ERN1: variants seen among roughly 807,000 people sequenced by gnomAD.
ERN1 encodes the protein serine/threonine-protein kinase/endoribonuclease IRE1.
ERN1 carries 39 observed loss-of-function variants against 113.1 expected under a neutral mutation model. The observed-to-expected ratio is 0.34, with a 90% CI of 0.27 to 0.45. The LOEUF (loss-of-function observed/expected upper bound fraction) is 0.45, where lower values mean the gene tolerates loss of function less well. ERN1 is among the 20% of genes least tolerant of loss of function. The pLI, the probability that ERN1 is intolerant of heterozygous loss-of-function variation, is 1.00. For synonymous variants in ERN1, 507 were observed against 515.9 expected (o/e 0.98, Z 0.23); for missense variants, 976 against 1,274.8 (o/e 0.77, Z 3.57).
chr17:64,119,386 T>G lies in ERN1; in HGVS notation c.54+10590A>C, dbSNP rs1395517075. ...TTCCTTTTTTTCTAGGTTTTTTTTT[T>G]TTTTTTTTTTTTTTTTTTTGAGATT... On this transcript the variant is annotated intron_variant, in intron 1 of 21. Transcript: ENST00000433197. 3.8e-4 allele frequency among the ~76,000 whole-genome samples: 52 copies of G among 135,920 alleles called. 1 individual carries two copies. Among genetic ancestry groups the G allele is most frequent in the African/African-American group, 1.4e-3 (49 of 35,108 alleles). The allele number at this position is 135,920 out of a possible 152,430, so 89.2% of individuals were successfully genotyped here. A position where few individuals can be genotyped will look rare whatever the true frequency, so the allele number is the denominator to read the frequency against.
chr17:64,082,009 A>G (rs1913782948), intron 2 of ERN1, among the ~76,000 whole-genome samples: 2 of 152,236 alleles, frequency 1.3e-5, no homozygotes, highest in Non-Finnish European at 2.9e-5. Flanking sequence ...GGGCAAGAAC[A>G]GCAAGTATTC....
At chr17:64,098,407 C>T (rs1210529304) in intron 1 of ERN1, 166 bp from the exon 2 acceptor site, 3 of 835,972 alleles carry the variant, frequency 3.6e-6, no homozygotes, top group Non-Finnish European at 4.1e-6. Context: ...AGGACTAGAA[C>T]CCAGGTCACC....
intron 1 of ERN1, among the ~76,000 whole-genome samples, chr17:64,117,452 GAAAGAA>G (rs953955116): frequency 4.0e-5 from 6 of 150,696 alleles, no homozygotes; most frequent in Non-Finnish European, 7.4e-5. Context: ...CAAAAAAAAA[GAAAGAA>G]AAAGAAAAAG....
chr17:64,075,766 T>C (rs888652777), intron 4 of ERN1, among the ~76,000 whole-genome samples: 2 of 152,230 alleles, frequency 1.3e-5, no homozygotes, highest in Non-Finnish European at 2.9e-5. Flanking sequence ...TGGAGAGTTA[T>C]ATATTCTTTG....
Position 64,044,618 on chromosome 17 carries a change from A to C in ERN1, c.2721+242T>G, listed in dbSNP as rs1361498336. The stretch of plus-strand genomic sequence containing the variant: ...CCACAAAAGTCAGCGACCAGAGACC[A>C]TGAGGGACATGGGCCGCAGAGCACT... On this transcript the variant is annotated intron_variant, in intron 21 of 21. Transcript: ENST00000433197. The surrounding 1 kb of genome is among the most constrained non-coding windows in gnomAD (Gnocchi z 4.1). Among the ~76,000 whole-genome samples the C allele has an allele frequency of 1.3e-5, 2 of 152,238 alleles. No individual in the cohort carries two copies. The highest frequency in any genetic ancestry group is 4.8e-5 in the African/African-American group (2 of 41,468).
intron 2 of ERN1, among the ~76,000 whole-genome samples, chr17:64,095,048 T>C (rs1475991041): frequency 6.6e-6 from 1 of 152,206 alleles, no homozygotes; most frequent in Non-Finnish European, 1.5e-5. Flanking sequence ...CCATCTTTAA[T>C]CTTTGTATAG....
chr17:64,091,789 C>A (rs571940749), intron 2 of ERN1, among the ~76,000 whole-genome samples: 86 of 152,122 alleles, frequency 5.7e-4, no homozygotes, highest in Non-Finnish European at 1.1e-3. Flanking sequence ...GGTGAGAGAC[C>A]ACGAATGGCC....
intron 1 of ERN1, among the ~76,000 whole-genome samples, chr17:64,101,327 T>C (rs1914379470): frequency 6.6e-6 from 1 of 151,986 alleles, no homozygotes; most frequent in Non-Finnish European, 1.5e-5. Context: ...AAGAAATCAC[T>C]TGAACCCAGG....
At position 64,046,457 on chromosome 17, in the gene ERN1, G is replaced by C. The variant is rs563224443; in HGVS notation, c.2530-975C>G. ...GTTTTATTCCTGTTCTATATTTTGC[G>C]ATCAAAATGACCTGGTTAGTTTTCA... On this transcript the variant is annotated intron_variant, in intron 19 of 21. Transcript: ENST00000433197. Among the ~76,000 whole-genome samples, 5 of 152,240 alleles carry C rather than the reference G, an allele frequency of 3.3e-5. No individual in the cohort carries two copies. In the East Asian group the frequency reaches 9.6e-4, roughly 29 times the overall value.
intron 4 of ERN1, 119 bp downstream of exon 4, chr17:64,079,543 T>G: frequency 1.4e-6 from 1 of 699,378 alleles, no homozygotes; most frequent in Non-Finnish European, 2.4e-6. Flanking sequence ...TGAATCAGAA[T>G]CCCCAGGGGT....
intron 2 of ERN1, among the ~76,000 whole-genome samples, chr17:64,095,751 C>T (rs911407126): frequency 6.6e-6 from 1 of 152,172 alleles, no homozygotes; most frequent in Non-Finnish European, 1.5e-5. Flanking sequence ...GCTCAACATC[C>T]CCTTGTAATC....
chr17:64,128,366 G>A (rs1915138786), intron 1 of ERN1, among the ~76,000 whole-genome samples: 1 of 152,042 alleles, frequency 6.6e-6, no homozygotes, highest in South Asian at 2.1e-4. Flanking sequence ...TAAGGGTCTG[G>A]AATATTTTAT....
chr17:64,043,924 C>T lies in ERN1; in HGVS notation c.*64G>A, dbSNP rs906690256. Reference sequence around the variant, plus strand: ...CTGCAAAGCCGGGAGGCATCAAGCTCTAATTGTGGTGACCAGGCCCTCAGT... The same window carrying T: ...CTGCAAAGCCGGGAGGCATCAAGCTTTAATTGTGGTGACCAGGCCCTCAGT... On this transcript the variant is annotated 3_prime_UTR_variant, in exon 22 of 22. Coordinates refer to ENST00000433197, the MANE Select transcript of ERN1 (RefSeq NM_001433.5). 43 of 1,173,216 alleles carry T rather than the reference C, an allele frequency of 3.7e-5. No homozygotes were observed. The highest frequency in any genetic ancestry group is 4.9e-5 in the Non-Finnish European group (40 of 812,478). 72.7% of individuals were successfully genotyped at this position (1,173,216 alleles called of 1,614,324 possible). A position where few individuals can be genotyped will look rare whatever the true frequency, so the allele number is the denominator to read the frequency against.
In ERN1 at chr17:64,063,336, A is replaced by G. The variant is rs1490796092; in HGVS notation, c.1087+650T>C. Among the ~76,000 whole-genome samples, 1 of 152,206 alleles carries G rather than the reference A, an allele frequency of 6.6e-6. No individual in the cohort carries two copies. Among genetic ancestry groups the G allele is most frequent in the African/African-American group, 2.4e-5 (1 of 41,444 alleles). Reference sequence around the variant, plus strand: ...CTTCTCACTTCCGCCTTCGTTTGTCACACTCACTGCCAACTCAAGAAGTGT... The same window carrying G: ...CTTCTCACTTCCGCCTTCGTTTGTCGCACTCACTGCCAACTCAAGAAGTGT... On this transcript the variant is annotated intron_variant, in intron 10 of 21. Transcript: ENST00000433197. This position sits in a 1 kb window ranked among gnomAD's most constrained non-coding sequence, Gnocchi z 5.1.
At chr17:64,125,283 C>CA (rs999146763) in intron 1 of ERN1, among the ~76,000 whole-genome samples, 171 of 149,858 alleles carry the variant, frequency 1.1e-3, no homozygotes, top group African/African-American at 3.9e-3. Flanking sequence ...GATAATGCCT[C>CA]AAAAAAAAAT....
At chr17:64,119,376 G>GTTGTTTTTTGTTTTTTTTTTTTTT (rs777806993) in intron 1 of ERN1, among the ~76,000 whole-genome samples, 1 of 77,894 alleles carries the variant, frequency 1.3e-5, no homozygotes, top group African/African-American at 5.6e-5. Context: ...TTTTTTCTAG[G>GTTGTTTTTTGTTTTTTTTTTTTTT]TTTTTTTTTT....
chr17:64,085,535 C>T (rs1913898457), intron 2 of ERN1, among the ~76,000 whole-genome samples: 1 of 152,182 alleles, frequency 6.6e-6, no homozygotes, highest in South Asian at 2.1e-4. Context: ...CCACCTCCAT[C>T]ACTGGGAATC....
rs182573859 is a variant in ERN1, at chr17:64,082,413, A to G, written c.176-1605T>C. On this transcript the variant is annotated intron_variant, in intron 2 of 21. Transcript: ENST00000433197. ...TGAAACAAGCTAGTCAAGGTGCAAT[A>G]ACCCAGTTATTTTAACACCGGCCTG... 2.0e-5 allele frequency among the ~76,000 whole-genome samples: 3 copies of G among 152,344 alleles called. No individual in the cohort carries two copies. In the East Asian group the frequency reaches 5.8e-4, roughly 29 times the overall value.
chr17:64,073,004 A>T (rs956727407), intron 5 of ERN1, among the ~76,000 whole-genome samples: 7 of 128,996 alleles, frequency 5.4e-5, no homozygotes, highest in African/African-American at 1.7e-4. Context: ...AGCCTTTGAA[A>T]TTTTTTTTTT....
Sources: gnomAD v4.1 joint callset for allele counts (sites outside exome capture counted in the v4.1 genomes callset) on GRCh38, gnomAD v4.1.1 for gene constraint, Gnocchi (gnomAD v3.1) non-coding constraint, MANE v1.5 for transcripts, NCBI Gene and HGNC (gene_info 2026-07-23, HGNC 2026-07-21) for gene names.